EML4: variants seen among roughly 807,000 people sequenced by gnomAD.
The protein encoded by EML4 is EMAP like 4, also known as echinoderm microtubule-associated protein-like 4.
EML4 carries 72 observed loss-of-function variants against 129.0 expected under a neutral mutation model. The ratio of observed to expected loss-of-function variants is 0.56; its 90% CI spans 0.46 to 0.68. The LOEUF (loss-of-function observed/expected upper bound fraction) is 0.68. EML4 is among the 30% of genes least tolerant of loss of function. EML4 has a pLI of 0.00. For missense variants in EML4, 1,363 were observed against 1,190.6 expected, an observed-to-expected ratio of 1.14 and a Z score of -2.13; for synonymous variants, 532 against 405.0, an observed-to-expected ratio of 1.31 and a Z score of -3.77.
chr2:42,218,881 C>T (rs368544726), intron 1 of EML4, among the ~76,000 whole-genome samples: 54 of 152,202 alleles, frequency 3.5e-4, no homozygotes, highest in Admixed American at 7.8e-4. Context: ...CCAGCCTAGA[C>T]GTGAACTCCT....
rs752618961 is a variant in EML4, at chr2:42,329,007, C to T, written c.2463C>T (p.Ser821=). ...TCCATCTGTTTCAGTATCCCTGCTC[C>T]AAAGCAAAGGTAAACTCACTTTAAT... ...CKVHLFQYPC[S]KAKAPSHKYS... Residue 821 remains serine (S), a synonymous_variant, in exon 22 of 23, where the codon TCC becomes TCT. Coordinates refer to ENST00000318522, the MANE Select transcript of EML4 (RefSeq NM_019063.5). 2.2e-5 allele frequency: 36 copies of T among 1,611,640 alleles called. No homozygotes were observed. In the South Asian group the frequency reaches 3.4e-4, roughly 15 times the overall value.
At chr2:42,220,570 T>C (rs1421094689) in intron 1 of EML4, among the ~76,000 whole-genome samples, 1 of 152,112 alleles carries the variant, frequency 6.6e-6, no homozygotes, top group East Asian at 1.9e-4. Flanking sequence ...CCCTATTCCC[T>C]GAGATAACAA....
intron 10 of EML4, among the ~76,000 whole-genome samples, chr2:42,286,965 C>T (rs1392500681): frequency 3.9e-5 from 6 of 152,142 alleles, no homozygotes; most frequent in African/African-American, 1.4e-4. Context: ...AGATCTTACT[C>T]ATTTAAACAT....
At chr2:42,237,696 T>C (rs1674762182) in intron 1 of EML4, among the ~76,000 whole-genome samples, 1 of 152,224 alleles carries the variant, frequency 6.6e-6, no homozygotes, top group Non-Finnish European at 1.5e-5. Flanking sequence ...ACATATATTA[T>C]ATGCTGTACT....
chr2:42,238,164 A>T (rs376600436), intron 1 of EML4, among the ~76,000 whole-genome samples: 1 of 152,332 alleles, frequency 6.6e-6, no homozygotes, highest in East Asian at 1.9e-4. Context: ...CCTCCACAAG[A>T]TATCTCATTA....
At chr2:42,280,104 G>T (rs147442844) in intron 6 of EML4, among the ~76,000 whole-genome samples, 1 of 152,122 alleles carries the variant, frequency 6.6e-6, no homozygotes, top group Admixed American at 6.5e-5. Context: ...AAGTTATGCC[G>T]TTTAACATCT....
At chr2:42,256,916 A>G (rs993140923) in intron 3 of EML4, among the ~76,000 whole-genome samples, 5 of 152,264 alleles carry the variant, frequency 3.3e-5, no homozygotes, top group Non-Finnish European at 7.3e-5. Flanking sequence ...TATTGAAAGC[A>G]TCACTATATT....
At chr2:42,234,275 C>T (rs572890994) in intron 1 of EML4, among the ~76,000 whole-genome samples, 15 of 152,314 alleles carry the variant, frequency 9.8e-5, no homozygotes, top group East Asian at 1.9e-4. Context: ...AGGATTTCCT[C>T]GGAATGTAAA....
At chr2:42,321,664 C>A (rs1669530728) in intron 19 of EML4, among the ~76,000 whole-genome samples, 1 of 152,126 alleles carries the variant, frequency 6.6e-6, no homozygotes, top group Admixed American at 6.5e-5. Flanking sequence ...CCCCTAACTT[C>A]AAAGGAGCTG....
chr2:42,245,222 A>G (rs1385895769), intron 1 of EML4, among the ~76,000 whole-genome samples: 1 of 149,018 alleles, frequency 6.7e-6, no homozygotes, highest in Non-Finnish European at 1.5e-5. Flanking sequence ...AGCCTCCCAA[A>G]TAGCTGGGAT....
intron 21 of EML4, among the ~76,000 whole-genome samples, 191 bp from the exon 22 acceptor site, chr2:42,328,695 A>C (rs1669938088): frequency 6.6e-6 from 1 of 152,206 alleles, no homozygotes; most frequent in South Asian, 2.1e-4. Context: ...TATTAGTTAG[A>C]TTTTGGACAG....
intron 3 of EML4, among the ~76,000 whole-genome samples, chr2:42,258,091 C>A (rs766042275): frequency 6.6e-6 from 1 of 152,066 alleles, no homozygotes; most frequent in Non-Finnish European, 1.5e-5. Flanking sequence ...GTGTAGTGAT[C>A]AGTATTATGC....
intron 6 of EML4, among the ~76,000 whole-genome samples, chr2:42,271,407 T>A (rs1666357014): frequency 7.0e-6 from 1 of 142,628 alleles, no homozygotes; most frequent in African/African-American, 2.4e-5. Context: ...TTTCCTCTGT[T>A]GGAGATTTTT....
intron 1 of EML4, among the ~76,000 whole-genome samples, chr2:42,192,448 C>G (rs908051367): frequency 1.3e-5 from 2 of 151,984 alleles, no homozygotes; most frequent in Admixed American, 1.3e-4. Flanking sequence ...CCACGTTGGC[C>G]GGACTGGTCT....
At chr2:42,258,979 GC>G (rs1359540421) in intron 3 of EML4, among the ~76,000 whole-genome samples, 3 of 152,208 alleles carry the variant, frequency 2.0e-5, no homozygotes, top group African/African-American at 7.2e-5. Context: ...GGATGCAGTG[GC>G]TCACGCCTGT....
intron 21 of EML4, among the ~76,000 whole-genome samples, chr2:42,326,945 TA>T (rs1453990886): frequency 6.6e-6 from 1 of 152,158 alleles, no homozygotes; most frequent in Non-Finnish European, 1.5e-5. Flanking sequence ...CATCAAGGTC[TA>T]ATTTTAGAAC....
intron 21 of EML4, among the ~76,000 whole-genome samples, 161 bp downstream of exon 21, chr2:42,326,413 C>T (rs575089896): frequency 1.3e-5 from 2 of 152,272 alleles, no homozygotes; most frequent in South Asian, 4.1e-4. Context: ...ATTGAACCAA[C>T]ATGGGATTTG....
chr2:42,299,452 C>T (rs537666075), intron 13 of EML4, among the ~76,000 whole-genome samples: 1 of 152,270 alleles, frequency 6.6e-6, no homozygotes, highest in Admixed American at 6.5e-5. Flanking sequence ...AGTATATTTA[C>T]AAGGTTGTGC....
In EML4 at chr2:42,312,269, C is replaced by A. The variant is rs78514490; in HGVS notation, c.1968-3693C>A. ...AATCAAAAATAAAATTCTAAGCCCC[C>A]CCCCACCATCGTCCCTGCCAGGGCA... is the stretch of plus-strand genomic sequence containing the variant. On this transcript the variant is annotated intron_variant, in intron 17 of 22. Transcript: ENST00000318522. Among the ~76,000 whole-genome samples, 548 of 152,008 alleles carry A rather than the reference C, an allele frequency of 3.6e-3. 3 individuals carry two copies. The highest frequency in any genetic ancestry group is 0.012 in the African/African-American group (509 of 41,446).
Sources: gnomAD v4.1 joint callset for allele counts (sites outside exome capture counted in the v4.1 genomes callset) on GRCh38, gnomAD v4.1.1 for gene constraint, MANE v1.5 for transcripts, NCBI Gene and HGNC (gene_info 2026-07-23, HGNC 2026-07-21) for gene names.